Variants in EYS observed in about 807,000 individuals in gnomAD.
EYS encodes protein eyes shut homolog.
Under a neutral mutation model 282.1 loss-of-function variants are expected in EYS, and 250 were observed. The ratio of observed to expected loss-of-function variants is 0.89; its 90% CI spans 0.80 to 0.98. EYS has a LOEUF of 0.98. Among genes scored for constraint, EYS ranks in the 50% least tolerant of loss-of-function variants. The pLI is 0.00. For synonymous variants in EYS, 1,355 were observed against 1,282.9 expected, an observed-to-expected ratio of 1.06 and a Z score of -1.20; for missense variants, 4,016 against 3,709.0, an observed-to-expected ratio of 1.08 and a Z score of -2.15.
At chr6:63,964,952 T>A (rs1329601106) in intron 35 of EYS, among the ~76,000 whole-genome samples, 1 of 152,224 alleles carries the variant, frequency 6.6e-6, no homozygotes, top group Non-Finnish European at 1.5e-5. Context: ...TTCACCATGG[T>A]GAATACTTTG....
At chr6:64,213,566 A>C (rs1044665002) in intron 31 of EYS, among the ~76,000 whole-genome samples, 1 of 152,186 alleles carries the variant, frequency 6.6e-6, no homozygotes, top group African/African-American at 2.4e-5. Context: ...GAAAACCTCT[A>C]TATATACAAA....
At chr6:64,071,523 A>G (rs1771576879) in intron 32 of EYS, among the ~76,000 whole-genome samples, 1 of 150,866 alleles carries the variant, frequency 6.6e-6, no homozygotes, top group Admixed American at 6.6e-5. Context: ...ATAAATTAAT[A>G]AGTAAATAAA....
intron 41 of EYS, among the ~76,000 whole-genome samples, chr6:63,736,034 A>G (rs1768903582): frequency 6.6e-6 from 1 of 152,184 alleles, no homozygotes; most frequent in African/African-American, 2.4e-5. Flanking sequence ...CAGATGATCA[A>G]ATATACAAAT....
chr6:64,660,188 A>T (rs539170998), intron 22 of EYS, among the ~76,000 whole-genome samples: 95 of 152,226 alleles, frequency 6.2e-4, no homozygotes, highest in African/African-American at 2.2e-3. Flanking sequence ...ATTCAACAAC[A>T]CTTCATGCTA....
At chr6:64,383,789 G>T (rs114854680) in intron 29 of EYS, among the ~76,000 whole-genome samples, 4,723 of 152,140 alleles carry the variant, frequency 0.031, 231 homozygotes, top group African/African-American at 0.11. Flanking sequence ...GTTGAATGTT[G>T]TTACCTTTCT....
intron 12 of EYS, among the ~76,000 whole-genome samples, chr6:65,215,813 C>A (rs1188454435): frequency 6.6e-6 from 1 of 152,158 alleles, no homozygotes; most frequent in Non-Finnish European, 1.5e-5. Context: ...TGAGACAAGA[C>A]CCTCCACAAG....
Position 65,663,895 on chromosome 6 carries a change from G to A in EYS, c.-447-24003C>T, listed in dbSNP as rs1390633689. 4.6e-4 allele frequency among the ~76,000 whole-genome samples: 57 copies of A among 125,062 alleles called. 2 individuals carry two copies. Among genetic ancestry groups the A allele is most frequent in the Non-Finnish European group, 6.4e-5 (4 of 62,696 alleles). The allele number at this position is 125,062 out of a possible 152,430, so 82.0% of individuals were successfully genotyped here. ...TTTTTTTTTTTTTTTTTTTGAGACCGGAGTCTTGCTCTGTCATCCAGGCTG... is the reference window on the plus strand; with the variant it reads ...TTTTTTTTTTTTTTTTTTTGAGACCAGAGTCTTGCTCTGTCATCCAGGCTG... On this transcript the variant is annotated intron_variant, in intron 1 of 42. Coordinates refer to ENST00000503581, the MANE Select transcript of EYS (RefSeq NM_001142800.2).
At chr6:64,604,315 A>G (rs531596427) in intron 24 of EYS, among the ~76,000 whole-genome samples, 7 of 152,198 alleles carry the variant, frequency 4.6e-5, no homozygotes, top group African/African-American at 1.7e-4. Context: ...TTTTCAAAAC[A>G]TTTTCAAGTA....
At chr6:64,441,437 T>C (rs1371052266) in intron 26 of EYS, among the ~76,000 whole-genome samples, 2 of 152,152 alleles carry the variant, frequency 1.3e-5, no homozygotes, top group Non-Finnish European at 2.9e-5. Context: ...GAAGTATATC[T>C]TTGAAGAGTT....
chr6:64,883,770 T>C (rs1316139677), intron 19 of EYS, among the ~76,000 whole-genome samples: 1 of 151,516 alleles, frequency 6.6e-6, no homozygotes, highest in Non-Finnish European at 1.5e-5. Flanking sequence ...AATGCAAGCC[T>C]TTGATCATAT....
intron 31 of EYS, among the ~76,000 whole-genome samples, chr6:64,147,656 C>T (rs1409509031): frequency 6.6e-6 from 1 of 152,148 alleles, no homozygotes; most frequent in Non-Finnish European, 1.5e-5. Flanking sequence ...ACAAGGAGGA[C>T]TCCACTTTAC....
At chr6:65,082,917 C>T (rs766425322) in intron 12 of EYS, among the ~76,000 whole-genome samples, 4 of 151,866 alleles carry the variant, frequency 2.6e-5, no homozygotes, top group Non-Finnish European at 4.4e-5. Flanking sequence ...TGCTTTGAGG[C>T]ATTTTATAGA....
intron 13 of EYS, among the ~76,000 whole-genome samples, chr6:65,024,625 C>T (rs1772345326): frequency 6.6e-6 from 1 of 150,738 alleles, no homozygotes; most frequent in Non-Finnish European, 1.5e-5. Flanking sequence ...TAAATAAATT[C>T]CATTTTTGCT....
chr6:64,715,670 G>T (rs115636801), intron 22 of EYS, among the ~76,000 whole-genome samples: 2,370 of 152,264 alleles, frequency 0.016, 61 homozygotes, highest in African/African-American at 0.055. Context: ...GGAGAAAGAA[G>T]ACCCTGGCTC....
chr6:63,780,464 A>G (rs537505147), intron 39 of EYS, among the ~76,000 whole-genome samples: 15 of 152,146 alleles, frequency 9.9e-5, no homozygotes, highest in African/African-American at 3.6e-4. Context: ...ATGGTATCTC[A>G]TTGTGGTTTT....
intron 2 of EYS, among the ~76,000 whole-genome samples, chr6:65,572,774 A>C (rs563821672): frequency 6.6e-6 from 1 of 152,176 alleles, no homozygotes; most frequent in South Asian, 2.1e-4. Context: ...TAAGCGAAAC[A>C]TTAATATATT....
chr6:64,055,314 A>G (rs1005673869), intron 33 of EYS, among the ~76,000 whole-genome samples: 1 of 152,200 alleles, frequency 6.6e-6, no homozygotes, highest in African/African-American at 2.4e-5. Context: ...TGTGTGTGTG[A>G]AAAACCATAA....
intron 26 of EYS, among the ~76,000 whole-genome samples, chr6:64,475,931 T>A (rs1776252484): frequency 6.6e-6 from 1 of 152,086 alleles, no homozygotes; most frequent in African/African-American, 2.4e-5. Flanking sequence ...AGGCTACAGG[T>A]ACATGCCAGC....
intron 8 of EYS, among the ~76,000 whole-genome samples, chr6:65,359,815 G>C (rs946144951): frequency 1.3e-5 from 2 of 151,826 alleles, no homozygotes; most frequent in Admixed American, 6.6e-5. Flanking sequence ...GGGTTCAAAA[G>C]CATTAACTCA....
Sources: allele counts gnomAD v4.1 joint callset (sites outside exome capture counted in the v4.1 genomes callset), GRCh38; gene constraint gnomAD v4.1.1; transcripts MANE v1.5; gene names NCBI Gene and HGNC (gene_info 2026-07-23, HGNC 2026-07-21).